ANKS1B: variants seen among roughly 807,000 people sequenced by gnomAD.
ANKS1B encodes the protein ankyrin repeat and sterile alpha motif domain-containing protein 1B.
A neutral mutation model predicts 148.3 loss-of-function variants in ANKS1B; 36 were observed. The ratio of observed to expected loss-of-function variants is 0.24; its 90% CI spans 0.19 to 0.32. The LOEUF (loss-of-function observed/expected upper bound fraction) is 0.32. Ranked by LOEUF, ANKS1B falls within the 10% of genes least tolerant of loss-of-function variation. The pLI, the probability that ANKS1B is intolerant of heterozygous loss-of-function variation, is 1.00. For missense variants in ANKS1B, 1,157 were observed against 1,542.6 expected, an observed-to-expected ratio of 0.75 and a Z score of 4.19; for synonymous variants, 542 against 560.8, an observed-to-expected ratio of 0.97 and a Z score of 0.47.
intron 12 of ANKS1B, among the ~76,000 whole-genome samples, chr12:99,375,150 C>T (rs2093339312): frequency 6.6e-6 from 1 of 152,168 alleles, no homozygotes; most frequent in South Asian, 2.1e-4. Flanking sequence ...TATATCAGGG[C>T]TTCTTAACTT....
intron 15 of ANKS1B, among the ~76,000 whole-genome samples, chr12:99,097,885 T>C (rs2056726300): frequency 6.6e-6 from 1 of 152,238 alleles, no homozygotes; most frequent in South Asian, 2.1e-4. Context: ...TACACTCCTA[T>C]TGCCTGAAGA....
intron 17 of ANKS1B, among the ~76,000 whole-genome samples, chr12:98,857,269 G>T (rs1056449898): frequency 1.3e-5 from 2 of 152,226 alleles, no homozygotes. Context: ...AGATGTAAAA[G>T]CATTCTAGGC....
At chr12:99,470,134 A>AATC (rs1158647252) in intron 10 of ANKS1B, among the ~76,000 whole-genome samples, 1 of 151,602 alleles carries the variant, frequency 6.6e-6, no homozygotes, top group African/African-American at 2.4e-5. Flanking sequence ...TAATAATAAT[A>AATC]ATAATAAAGT....
intron 17 of ANKS1B, among the ~76,000 whole-genome samples, chr12:99,001,548 G>T (rs1301495513): frequency 6.6e-6 from 1 of 150,880 alleles, no homozygotes; most frequent in East Asian, 1.9e-4. Context: ...GACAAAAATT[G>T]TATATATTTG....
chr12:99,091,896 A>G (rs2054137081), intron 15 of ANKS1B, among the ~76,000 whole-genome samples: 1 of 151,374 alleles, frequency 6.6e-6, no homozygotes, highest in African/African-American at 2.4e-5. Context: ...CAGGAGATAA[A>G]AGGTTGAGTT....
At chr12:99,715,823 C>T (rs1177306927) in intron 8 of ANKS1B, among the ~76,000 whole-genome samples, 1 of 152,156 alleles carries the variant, frequency 6.6e-6, no homozygotes, top group Non-Finnish European at 1.5e-5. Flanking sequence ...ATCTTGGCAC[C>T]ACCCTTCAAT....
At chr12:99,290,887 A>G (rs944191471) in intron 12 of ANKS1B, among the ~76,000 whole-genome samples, 2 of 152,104 alleles carry the variant, frequency 1.3e-5, no homozygotes, top group Non-Finnish European at 2.9e-5. Context: ...GTCCTCTTTC[A>G]CCACTGTTAT....
chr12:99,118,263 T>C (rs140421583), intron 15 of ANKS1B, among the ~76,000 whole-genome samples: 1 of 152,304 alleles, frequency 6.6e-6, no homozygotes, highest in Non-Finnish European at 1.5e-5. Flanking sequence ...AAATGTACCA[T>C]ATAATAAATT....
intron 20 of ANKS1B, among the ~76,000 whole-genome samples, chr12:98,802,466 G>T (rs771113642): frequency 6.6e-6 from 1 of 152,052 alleles, no homozygotes; most frequent in Admixed American, 6.6e-5. Flanking sequence ...CGTACATAGG[G>T]TGCATATTTT....
At chr12:98,945,722 G>A (rs2099844438) in intron 17 of ANKS1B, among the ~76,000 whole-genome samples, 2 of 152,180 alleles carry the variant, frequency 1.3e-5, no homozygotes, top group Admixed American at 6.5e-5. Context: ...TGGATCAGCA[G>A]GGATGGTGTG....
chr12:99,272,837 T>C (rs2077198376), intron 12 of ANKS1B, among the ~76,000 whole-genome samples: 1 of 152,352 alleles, frequency 6.6e-6, no homozygotes, highest in African/African-American at 2.4e-5. Context: ...TTTTTTCTTA[T>C]AAAGCTTCAA....
chr12:98,762,181 T>C (rs1159691878), intron 25 of ANKS1B, among the ~76,000 whole-genome samples: 2 of 152,152 alleles, frequency 1.3e-5, no homozygotes. Context: ...ATAGAGGCCA[T>C]AAACAGAGTC....
At chr12:98,784,942 G>A (rs1357201254) in intron 22 of ANKS1B, among the ~76,000 whole-genome samples, 1 of 152,114 alleles carries the variant, frequency 6.6e-6, no homozygotes, top group Non-Finnish European at 1.5e-5. Flanking sequence ...AAACTGTACT[G>A]CTCTCTCCAC....
intron 17 of ANKS1B, among the ~76,000 whole-genome samples, chr12:98,854,940 A>G (rs1027233484): frequency 2.0e-5 from 3 of 151,884 alleles, no homozygotes; most frequent in African/African-American, 4.8e-5. Flanking sequence ...CGGGTGGATC[A>G]TGAGGTCAGG....
At chr12:98,848,410 T>C (rs1446140356) in intron 17 of ANKS1B, among the ~76,000 whole-genome samples, 5 of 152,188 alleles carry the variant, frequency 3.3e-5, no homozygotes, top group Non-Finnish European at 5.9e-5. Context: ...AGTGGGCCCT[T>C]GATATCCATG....
At chr12:98,974,205 G>T (rs528474337) in intron 17 of ANKS1B, among the ~76,000 whole-genome samples, 1 of 152,272 alleles carries the variant, frequency 6.6e-6, no homozygotes, top group Non-Finnish European at 1.5e-5. Flanking sequence ...CCAAGCATCA[G>T]TGTCTCCAAA....
intron 9 of ANKS1B, among the ~76,000 whole-genome samples, chr12:99,556,560 A>T (rs966815212): frequency 1.3e-5 from 2 of 152,002 alleles, no homozygotes; most frequent in African/African-American, 4.8e-5. Context: ...AATCTTTCTA[A>T]CGTTTTGATG....
rs73379369 is a variant in ANKS1B, at chr12:99,252,488, A to C, written c.1757-5624T>G. On this transcript the variant is annotated intron_variant, in intron 12 of 26. Transcript: ENST00000683438. ...AAATAAAGGAAAAACACTACAGGTG[A>C]TATCTCCAGTAAAGCTAAGTATTAA... Among the ~76,000 whole-genome samples the C allele has an allele frequency of 5.3e-3, 813 of 152,330 alleles. 7 individuals carry two copies. Among genetic ancestry groups the C allele is most frequent in the African/African-American group, 0.019 (782 of 41,570 alleles).
intron 8 of ANKS1B, among the ~76,000 whole-genome samples, chr12:99,688,483 T>G (rs887854971): frequency 6.6e-6 from 1 of 152,220 alleles, no homozygotes; most frequent in Non-Finnish European, 1.5e-5. Flanking sequence ...GGAAAGGATA[T>G]TCCCAAAATA....
Sources: allele counts gnomAD v4.1 joint callset (sites outside exome capture counted in the v4.1 genomes callset), GRCh38; gene constraint gnomAD v4.1.1; transcripts MANE v1.5; gene names NCBI Gene and HGNC (gene_info 2026-07-23, HGNC 2026-07-21).